HEPACAM2: variants seen among roughly 807,000 people sequenced by gnomAD.
HEPACAM2 encodes HEPACAM family member 2.
Under a neutral mutation model 49.6 loss-of-function variants are expected in HEPACAM2, and 49 were observed. The observed-to-expected ratio is 0.99, with a 90% CI of 0.78 to 1.25. HEPACAM2 has a LOEUF of 1.25. Among genes scored for constraint, HEPACAM2 ranks in the 50% most tolerant of loss-of-function variants. HEPACAM2 has a pLI of 0.00. For missense variants in HEPACAM2, 525 were observed against 557.2 expected (o/e 0.94, Z 0.58); for synonymous variants, 197 against 202.9 (o/e 0.97, Z 0.25).
chr7:93,208,604 A>G lies in HEPACAM2; in HGVS notation c.988T>C (p.Phe330Leu). 6.2e-7 allele frequency: 1 copy of G among 1,612,822 alleles called. No individual in the cohort carries two copies. Among genetic ancestry groups the G allele is most frequent in the Non-Finnish European group, 8.5e-7 (1 of 1,179,212 alleles). ...NITGRQDETH[F>L]TVIITSVGLE... is the part of the protein sequence containing the mutation. ...CCTACGGAAGTGATGATAACTGTGA[A>G]ATGAGTTTCATCTTGCCTGCCGGTT... is the stretch of plus-strand genomic sequence containing the variant. The change falls in exon 4 of 10, where the codon TTC becomes CTC. Residue 330 changes from phenylalanine to leucine, a missense_variant. By Grantham distance (22) the Phe-to-Leu change is conservative. Coordinates refer to ENST00000394468, the MANE Select transcript of HEPACAM2 (RefSeq NM_001039372.4).
intron 9 of HEPACAM2, among the ~76,000 whole-genome samples, chr7:93,190,952 T>C (rs1793528611): frequency 6.6e-6 from 1 of 151,986 alleles, no homozygotes; most frequent in African/African-American, 2.4e-5. Flanking sequence ...GAAAAATTGA[T>C]AGTTAGAAGA....
At chr7:93,208,461 AGAATATATGAATAATCCC>A in intron 4 of HEPACAM2, 101 bp downstream of exon 4, 1 of 860,216 alleles carries the variant, frequency 1.2e-6, no homozygotes. Context: ...AGAGATTTTT[AGAATATATGAATAATCCC>A]ACAATGATTT....
intron 4 of HEPACAM2, among the ~76,000 whole-genome samples, chr7:93,198,421 G>A (rs1167390722): frequency 6.6e-6 from 1 of 152,054 alleles, no homozygotes; most frequent in African/African-American, 2.4e-5. Context: ...GTTATAAGTG[G>A]TAGAATCCAG....
chr7:93,230,074 G>C (rs1449616381), upstream of HEPACAM2, among the ~76,000 whole-genome samples: 3 of 152,108 alleles, frequency 2.0e-5, no homozygotes, highest in African/African-American at 4.8e-5. Context: ...CTAAAATGTA[G>C]AGTTTTGGAG....
chr7:93,230,727 T>G (rs1384823642), upstream of HEPACAM2, among the ~76,000 whole-genome samples: 1 of 152,200 alleles, frequency 6.6e-6, no homozygotes, highest in Non-Finnish European at 1.5e-5. Context: ...CAATTAAGAT[T>G]AGAGAAGGTA....
intron 9 of HEPACAM2, among the ~76,000 whole-genome samples, chr7:93,190,998 A>G (rs1357839070): frequency 2.0e-5 from 3 of 152,104 alleles, no homozygotes; most frequent in Non-Finnish European, 4.4e-5. Flanking sequence ...CTTAAATAGG[A>G]TAGAAATTTT....
At chr7:93,229,243 G>C (rs558037446), upstream of HEPACAM2, among the ~76,000 whole-genome samples, 1 of 152,182 alleles carries the variant, frequency 6.6e-6, no homozygotes, top group Admixed American at 6.5e-5. Context: ...GCCTATGCCT[G>C]TGCTAGTGTT....
Position 93,215,605 on chromosome 7 carries a change from G to A in HEPACAM2, c.511C>T (p.His171Tyr), listed in dbSNP as rs754046449. 3 of 1,613,738 alleles carry A rather than the reference G, an allele frequency of 1.9e-6. No homozygotes were observed. The South Asian group carries it at 3.3e-5, about 18-fold the overall frequency. ...GCTAGCCGAGTGCCCCCTTCCACAT[G>A]GCATGTCAGGGTCATGTTCCCCACA... Reference protein sequence around the residue: ...EYVGNMTLTCHVEGGTRLAYQ... With the variant: ...EYVGNMTLTCYVEGGTRLAYQ... Residue 171 changes from histidine (H) to tyrosine (Y), a missense_variant, in exon 3 of 10, where the codon CAT (histidine) becomes TAT (tyrosine). By Grantham distance (83) the His-to-Tyr change is moderately conservative. Coordinates refer to ENST00000394468, the MANE Select transcript of HEPACAM2 (RefSeq NM_001039372.4).
At chr7:93,227,455 A>G (rs914113601), upstream of HEPACAM2, among the ~76,000 whole-genome samples, 3 of 152,204 alleles carry the variant, frequency 2.0e-5, no homozygotes, top group African/African-American at 7.2e-5. Context: ...AAGTTCAATG[A>G]TAAGAGGGGA....
intron 7 of HEPACAM2, 40 bp downstream of exon 7, chr7:93,197,201 C>A: frequency 6.6e-7 from 1 of 1,508,274 alleles, no homozygotes; most frequent in Non-Finnish European, 9.1e-7. Flanking sequence ...AATTAACATA[C>A]ATTAAAACTG....
chr7:93,208,911 C>A, intron 3 of HEPACAM2, 35 bp from the exon 4 acceptor site: 1 of 1,501,994 alleles, frequency 6.7e-7, no homozygotes, highest in South Asian at 1.3e-5. Flanking sequence ...ATAAGTAACA[C>A]AAGTAATCAC....
intron 4 of HEPACAM2, among the ~76,000 whole-genome samples, chr7:93,198,385 G>T (rs1793790568): frequency 1.3e-5 from 2 of 152,076 alleles, no homozygotes; most frequent in African/African-American, 4.8e-5. Flanking sequence ...AGATGAGGAA[G>T]CTGAGTCTTG....
At chr7:93,202,769 T>A (rs569394197) in intron 4 of HEPACAM2, among the ~76,000 whole-genome samples, 1 of 152,228 alleles carries the variant, frequency 6.6e-6, no homozygotes, top group East Asian at 1.9e-4. Flanking sequence ...CAGTTCCCGT[T>A]CTAATAGTGA....
At chr7:93,206,664 G>A (rs950007659) in intron 4 of HEPACAM2, among the ~76,000 whole-genome samples, 1 of 152,048 alleles carries the variant, frequency 6.6e-6, no homozygotes, top group Non-Finnish European at 1.5e-5. Context: ...TTTCTCAGTT[G>A]TGTTAAGCAC....
chr7:93,189,141 A>T lies in HEPACAM2; in HGVS notation c.*126T>A. On this transcript the variant is annotated 3_prime_UTR_variant, in exon 10 of 10. Transcript: ENST00000394468. ...AATGCCTCTATTCTGCATGTAAAGG[A>T]ATAATGAGTAAGAGGTGTTGGTCTT... is the stretch of plus-strand genomic sequence containing the variant. 1.3e-6 allele frequency: 1 copy of T among 761,884 alleles called. No homozygotes were observed. The highest frequency in any genetic ancestry group is 1.7e-5 in the South Asian group (1 of 58,286). The allele number at this position is 761,884 out of a possible 1,614,324, so 47.2% of individuals were successfully genotyped here.
At chr7:93,218,764 G>T (rs903950558) in intron 2 of HEPACAM2, among the ~76,000 whole-genome samples, 1 of 151,860 alleles carries the variant, frequency 6.6e-6, no homozygotes, top group East Asian at 1.9e-4. Flanking sequence ...CTCTTCCCAG[G>T]GTACAGTCTA....
intron 2 of HEPACAM2, among the ~76,000 whole-genome samples, chr7:93,218,691 G>T (rs1794371418): frequency 6.6e-6 from 1 of 152,046 alleles, no homozygotes; most frequent in South Asian, 2.1e-4. Context: ...TACCATTCTT[G>T]CACAAGTCTC....
intron 4 of HEPACAM2, among the ~76,000 whole-genome samples, chr7:93,199,142 G>C (rs1793813923): frequency 1.3e-5 from 2 of 152,052 alleles, no homozygotes; most frequent in South Asian, 4.1e-4. Context: ...ATAAATTTCT[G>C]ACATGCGTTC....
chr7:93,212,311 T>C (rs780420192), intron 3 of HEPACAM2, among the ~76,000 whole-genome samples: 1 of 152,080 alleles, frequency 6.6e-6, no homozygotes, highest in Non-Finnish European at 1.5e-5. Flanking sequence ...ATTGGCATAA[T>C]TTTTTCTCTT....
Sources: gnomAD v4.1 joint callset for allele counts (sites outside exome capture counted in the v4.1 genomes callset) on GRCh38, gnomAD v4.1.1 for gene constraint, MANE v1.5 for transcripts, NCBI Gene and HGNC (gene_info 2026-07-23, HGNC 2026-07-21) for gene names.